SVEP1: variants seen among roughly 807,000 people sequenced by gnomAD.
SVEP1 encodes sushi, von Willebrand factor type A, EGF and pentraxin domain-containing protein 1.
Under a neutral mutation model 367.3 loss-of-function variants are expected in SVEP1, and 164 were observed. That is an observed-to-expected ratio of 0.45 (90% CI 0.39 to 0.51). The LOEUF (loss-of-function observed/expected upper bound fraction) is 0.51, where lower values mean the gene tolerates loss of function less well. SVEP1 is among the 20% of genes least tolerant of loss of function. The probability of loss-of-function intolerance (pLI) is 0.00; values close to 1 mark genes in which losing one functional copy is unlikely to be tolerated. For synonymous variants in SVEP1, 1,666 were observed against 1,611.6 expected, an observed-to-expected ratio of 1.03 and a Z score of -0.81; for missense variants, 4,117 against 4,425.3, an observed-to-expected ratio of 0.93 and a Z score of 1.98.
chr9:110,398,360 T>C (rs984798684), intron 40 of SVEP1, among the ~76,000 whole-genome samples: 3 of 152,202 alleles, frequency 2.0e-5, no homozygotes, highest in Admixed American at 2.0e-4. Flanking sequence ...GATTAAAGAC[T>C]TAAATGTTAG....
chr9:110,479,883 G>A (rs1829159355), intron 12 of SVEP1, 127 bp from the exon 13 acceptor site: 1 of 1,330,288 alleles, frequency 7.5e-7, no homozygotes, highest in Admixed American at 2.3e-5. Flanking sequence ...ATAAAAACAA[G>A]AGATGACAGT....
chr9:110,426,221 CT>C (rs1828250719), intron 36 of SVEP1, among the ~76,000 whole-genome samples: 1 of 152,148 alleles, frequency 6.6e-6, no homozygotes, highest in African/African-American at 2.4e-5. Context: ...GTCTTTAACT[CT>C]TATTATCTTT....
intron 40 of SVEP1, among the ~76,000 whole-genome samples, chr9:110,390,080 T>A (rs1186944728): frequency 0.025 from 3,179 of 127,584 alleles, 72 homozygotes; most frequent in African/African-American, 0.049. Context: ...TATATATACG[T>A]GTATATATAC....
intron 35 of SVEP1, 133 bp downstream of exon 35, chr9:110,429,010 A>G (rs761755489): frequency 1.5e-4 from 106 of 697,124 alleles, no homozygotes; most frequent in Non-Finnish European, 2.2e-4. Context: ...CAGAGATTGC[A>G]GTGAGCTGAG....
At chr9:110,484,212 G>A (rs1224345138) in intron 9 of SVEP1, among the ~76,000 whole-genome samples, 3 of 152,190 alleles carry the variant, frequency 2.0e-5, no homozygotes, top group Non-Finnish European at 4.4e-5. Context: ...CTATTGCTGG[G>A]AGGCTAGGAG....
chr9:110,401,978 G>C (rs1407451885), intron 39 of SVEP1, among the ~76,000 whole-genome samples: 1 of 151,944 alleles, frequency 6.6e-6, no homozygotes, highest in Non-Finnish European at 1.5e-5. Flanking sequence ...ACTGCATCAT[G>C]ATTAACCATT....
intron 27 of SVEP1, 154 bp downstream of exon 27, chr9:110,443,391 C>T: frequency 1.4e-6 from 1 of 698,322 alleles, no homozygotes; most frequent in East Asian, 3.3e-5. Context: ...TTCTAATAAC[C>T]CACAGTTAGG....
At chr9:110,399,255 A>G (rs567448107) in intron 40 of SVEP1, among the ~76,000 whole-genome samples, 1 of 151,922 alleles carries the variant, frequency 6.6e-6, no homozygotes, top group South Asian at 2.1e-4. Context: ...ATAAAAAACC[A>G]AACACTGCAT....
At chr9:110,536,914 C>G (rs1391454203) in intron 3 of SVEP1, among the ~76,000 whole-genome samples, 1 of 151,946 alleles carries the variant, frequency 6.6e-6, no homozygotes, top group African/African-American at 2.4e-5. Context: ...ATAACTAAAA[C>G]TAACAGATAG....
intron 27 of SVEP1, among the ~76,000 whole-genome samples, chr9:110,440,611 A>T (rs1225600452): frequency 1.3e-5 from 2 of 152,212 alleles, no homozygotes; most frequent in African/African-American, 4.8e-5. Flanking sequence ...ACTGAAAGAA[A>T]AAGCTCAGTG....
chr9:110,558,734 C>G (rs958333494), intron 1 of SVEP1, among the ~76,000 whole-genome samples: 3 of 151,822 alleles, frequency 2.0e-5, no homozygotes, highest in African/African-American at 7.3e-5. Flanking sequence ...GATAAAAATG[C>G]CAGAAATTCA....
chr9:110,404,316 CAG>C lies in SVEP1; in HGVS notation c.9666+9_9666+10del, dbSNP rs1365065669. ...TAGGCATTACACATTCTAATTAAGA[CAG>C]AATCTTACCTGACATACTGATATGT... On this transcript the variant is annotated intron_variant, in intron 39 of 47. Transcript: ENST00000374469. 1.2e-6 allele frequency: 2 copies of C among 1,612,916 alleles called. No individual in the cohort carries two copies. The highest frequency in any genetic ancestry group is 1.7e-5 in the Admixed American group (1 of 59,990).
In SVEP1 at chr9:110,411,189, C is replaced by T. The variant is rs1287960638; in HGVS notation, c.6522G>A (p.Lys2174=). The T allele has an allele frequency of 6.2e-7, 1 of 1,614,030 alleles. No homozygotes were observed. The highest frequency in any genetic ancestry group is 2.2e-5 in the East Asian group (1 of 44,886). ...TCTTTTCCCCTTTGATGTAGAACCCCTTGTTGCAGCTGTAAGCCACCATGG... is the reference window on the plus strand; with the variant it reads ...TCTTTTCCCCTTTGATGTAGAACCCTTTGTTGCAGCTGTAAGCCACCATGG... The part of the protein sequence containing the change: ...FGAMVAYSCN[K]GFYIKGEKKS... Residue 2174 remains lysine (K), a synonymous_variant, in exon 37 of 48, where the codon AAG becomes AAA. Coordinates refer to ENST00000374469, the MANE Select transcript of SVEP1 (RefSeq NM_153366.4).
intron 15 of SVEP1, 110 bp downstream of exon 15, chr9:110,472,049 A>G (rs1318143275): frequency 8.7e-7 from 1 of 1,153,860 alleles, no homozygotes; most frequent in Non-Finnish European, 1.2e-6. Flanking sequence ...CTAATTCTCA[A>G]TTCCAGAGTC....
intron 22 of SVEP1, among the ~76,000 whole-genome samples, chr9:110,451,801 TTGAA>T (rs1473344941): frequency 6.6e-6 from 1 of 152,238 alleles, no homozygotes; most frequent in African/African-American, 2.4e-5. Flanking sequence ...GAGAAATATA[TTGAA>T]TGAAGAAAAT....
intron 11 of SVEP1, among the ~76,000 whole-genome samples, chr9:110,482,051 A>G (rs971472243): frequency 1.3e-5 from 2 of 152,218 alleles, no homozygotes; most frequent in African/African-American, 4.8e-5. Flanking sequence ...CAAAAACTGG[A>G]TAACATTGTG....
intron 3 of SVEP1, among the ~76,000 whole-genome samples, chr9:110,530,040 G>T (rs545062685): frequency 6.6e-6 from 1 of 152,112 alleles, no homozygotes; most frequent in South Asian, 2.1e-4. Context: ...TTTATGCCTT[G>T]TTTGCTGAGG....
At position 110,570,967 on chromosome 9, in the gene SVEP1, CTCCTTTTTTTTTT is replaced by C. The variant is rs748391822; in HGVS notation, c.531+8033_531+8045del. ...GTTAGACATATACTCTTCCAGATGG[CTCCTTTTTTTTTT>C]TTTTTTTTTTTTTTTGAGACAGGTC... On this transcript the variant is annotated intron_variant, in intron 1 of 47. Coordinates refer to ENST00000374469, the MANE Select transcript of SVEP1 (RefSeq NM_153366.4). 7.8e-4 allele frequency among the ~76,000 whole-genome samples: 108 copies of C among 138,016 alleles called. No homozygotes were observed. In the East Asian group the frequency reaches 0.025, roughly 32 times the overall value. 90.5% of individuals were successfully genotyped at this position (138,016 alleles called of 152,430 possible).
intron 1 of SVEP1, 150 bp from the exon 2 acceptor site, chr9:110,550,254 C>T: frequency 9.9e-7 from 1 of 1,014,142 alleles, no homozygotes; most frequent in Admixed American, 2.2e-5. Context: ...CAGAAATAGG[C>T]ACAGATGAGA....
Sources: allele counts gnomAD v4.1 joint callset (sites outside exome capture counted in the v4.1 genomes callset), GRCh38; gene constraint gnomAD v4.1.1; transcripts MANE v1.5; gene names NCBI Gene and HGNC (gene_info 2026-07-23, HGNC 2026-07-21).